Variants in NEK11 observed in about 807,000 individuals in gnomAD.
NEK11 encodes serine/threonine-protein kinase Nek11.
Under a neutral mutation model 80.7 loss-of-function variants are expected in NEK11, and 72 were observed. That is an observed-to-expected ratio of 0.89 (90% CI 0.74 to 1.08). The LOEUF (loss-of-function observed/expected upper bound fraction) is 1.08, where lower values mean the gene tolerates loss of function less well. Among genes scored for constraint, NEK11 ranks in the 50% least tolerant of loss-of-function variants. NEK11 has a pLI of 0.00. For synonymous variants in NEK11, 251 were observed against 260.7 expected, an observed-to-expected ratio of 0.96 and a Z score of 0.36; for missense variants, 764 against 763.6, an observed-to-expected ratio of 1.00 and a Z score of -0.01.
intron 17 of NEK11, among the ~76,000 whole-genome samples, chr3:131,294,252 A>G (rs1313109567): frequency 8.6e-5 from 13 of 152,010 alleles, no homozygotes; most frequent in Non-Finnish European, 4.4e-5. Context: ...ACAAATTTTG[A>G]TAAGTTGTGT....
chr3:131,239,931 C>T (rs1047090539), intron 15 of NEK11, among the ~76,000 whole-genome samples: 5 of 152,092 alleles, frequency 3.3e-5, no homozygotes, highest in Non-Finnish European at 7.4e-5. Context: ...CCTTAGTTAT[C>T]CATTCAGCTT....
chr3:131,036,945 T>C (rs2065741119), intron 3 of NEK11, among the ~76,000 whole-genome samples: 1 of 152,120 alleles, frequency 6.6e-6, no homozygotes, highest in African/African-American at 2.4e-5. Flanking sequence ...AGCAGGAAAA[T>C]ATAAGCATTT....
chr3:131,211,728 C>T (rs1391427090), intron 14 of NEK11, among the ~76,000 whole-genome samples: 5 of 152,172 alleles, frequency 3.3e-5, no homozygotes, highest in African/African-American at 1.2e-4. Context: ...TAATCTTCAA[C>T]CACTGATACC....
intron 14 of NEK11, among the ~76,000 whole-genome samples, chr3:131,207,532 G>C (rs1018908444): frequency 6.6e-6 from 1 of 152,232 alleles, no homozygotes; most frequent in Non-Finnish European, 1.5e-5. Flanking sequence ...GCAGTGAGCC[G>C]AGCCTGGGTG....
intron 3 of NEK11, among the ~76,000 whole-genome samples, chr3:131,076,064 GCTGA>G (rs1384114535): frequency 2.0e-5 from 3 of 152,192 alleles, no homozygotes; most frequent in African/African-American, 7.2e-5. Context: ...GGTGGATGCA[GCTGA>G]CTGACAGAAC....
chr3:131,251,726 A>G (rs750371799), intron 16 of NEK11, among the ~76,000 whole-genome samples: 1 of 152,078 alleles, frequency 6.6e-6, no homozygotes, highest in Non-Finnish European at 1.5e-5. Flanking sequence ...GCAACACAGG[A>G]AGCCCCTTAA....
intron 7 of NEK11, among the ~76,000 whole-genome samples, chr3:131,136,628 A>G (rs1373184137): frequency 6.6e-6 from 1 of 152,182 alleles, no homozygotes. Flanking sequence ...TCATTCTGCA[A>G]TCTGTTAAAC....
chr3:131,095,015 T>A (rs369470828), intron 4 of NEK11, among the ~76,000 whole-genome samples: 12 of 152,208 alleles, frequency 7.9e-5, no homozygotes, highest in East Asian at 5.8e-4. Context: ...ACACTTAACA[T>A]TGAATTTACA....
chr3:131,337,104 C>A (rs546572870), intron 17 of NEK11, among the ~76,000 whole-genome samples: 2 of 152,272 alleles, frequency 1.3e-5, no homozygotes, highest in African/African-American at 4.8e-5. Flanking sequence ...ACCCAGCCAT[C>A]CCATTACTGG....
intron 17 of NEK11, among the ~76,000 whole-genome samples, chr3:131,302,489 C>A (rs922974588): frequency 6.6e-6 from 1 of 152,090 alleles, no homozygotes; most frequent in African/African-American, 2.4e-5. Flanking sequence ...GAACATCTAG[C>A]ACTATAAACT....
chr3:131,133,869 A>T lies in NEK11; in HGVS notation c.560A>T (p.Asp187Val). The stretch of plus-strand genomic sequence containing the variant: ...TCTCGACTTCTAATGGGATCCTGTG[A>T]CCTGGCCACAACTTTAACTGGAACT... Reference protein sequence around the residue: ...GVSRLLMGSCDLATTLTGTPH... With the variant: ...GVSRLLMGSCVLATTLTGTPH... The change falls in exon 7 of 18, where the codon GAC becomes GTC. Residue 187 changes from aspartate to valine, a missense_variant. Physicochemically the swap from Asp to Val is radical, Grantham distance 152. Transcript: ENST00000383366. 1 of 1,612,068 alleles carries T rather than the reference A, an allele frequency of 6.2e-7. No individual in the cohort carries two copies.
At chr3:131,244,651 G>A (rs1445982603) in intron 16 of NEK11, among the ~76,000 whole-genome samples, 1 of 152,064 alleles carries the variant, frequency 6.6e-6, no homozygotes, top group East Asian at 1.9e-4. Flanking sequence ...GTCGAAGGTG[G>A]TGGCTCACAC....
At chr3:131,130,704 G>A (rs1207114542) in intron 5 of NEK11, among the ~76,000 whole-genome samples, 1 of 152,050 alleles carries the variant, frequency 6.6e-6, no homozygotes, top group African/African-American at 2.4e-5. Flanking sequence ...TGATGTGATG[G>A]ATACATTAAT....
chr3:131,321,198 A>C (rs2096893938), intron 17 of NEK11, among the ~76,000 whole-genome samples: 2 of 152,158 alleles, frequency 1.3e-5, no homozygotes, highest in African/African-American at 4.8e-5. Context: ...AATAAGCCTC[A>C]CACCTACAGC....
intron 11 of NEK11, among the ~76,000 whole-genome samples, chr3:131,163,190 AC>A (rs1461509901): frequency 5.3e-5 from 8 of 152,224 alleles, no homozygotes; most frequent in Non-Finnish European, 1.2e-4. Flanking sequence ...ATTCCTCTAA[AC>A]ATTAAAAAAT....
At chr3:131,123,289 C>A (rs1266558353) in intron 5 of NEK11, among the ~76,000 whole-genome samples, 1 of 152,156 alleles carries the variant, frequency 6.6e-6, no homozygotes, top group Non-Finnish European at 1.5e-5. Flanking sequence ...GCCTCAACCT[C>A]CCAAGTAGCT....
intron 3 of NEK11, among the ~76,000 whole-genome samples, chr3:131,055,662 T>G (rs1560192531): frequency 1.3e-5 from 2 of 152,098 alleles, no homozygotes; most frequent in African/African-American, 4.8e-5. Flanking sequence ...CCCAGAAGTT[T>G]GAGGCTACAG....
chr3:131,252,218 C>G (rs929343026), intron 16 of NEK11, among the ~76,000 whole-genome samples: 1 of 152,052 alleles, frequency 6.6e-6, no homozygotes, highest in Non-Finnish European at 1.5e-5. Flanking sequence ...CAAAATGAAA[C>G]CTCTGTGAAT....
chr3:131,130,833 G>T (rs1465538589), intron 5 of NEK11, among the ~76,000 whole-genome samples: 1 of 151,992 alleles, frequency 6.6e-6, no homozygotes, highest in African/African-American at 2.4e-5. Context: ...ACAACATCTC[G>T]CTCTGTCACC....
Sources: allele counts gnomAD v4.1 joint callset (sites outside exome capture counted in the v4.1 genomes callset), GRCh38; gene constraint gnomAD v4.1.1; transcripts MANE v1.5; gene names NCBI Gene and HGNC (gene_info 2026-07-23, HGNC 2026-07-21).